FAAP20: variants seen among roughly 807,000 people sequenced by gnomAD.
FAAP20 encodes the protein Fanconi anemia core complex-associated protein 20.
A neutral mutation model predicts 16.2 loss-of-function variants in FAAP20; 12 were observed. That is an observed-to-expected ratio of 0.74 (90% CI 0.48 to 1.20). The LOEUF (loss-of-function observed/expected upper bound fraction) is 1.20, where lower values mean the gene tolerates loss of function less well. Among genes scored for constraint, FAAP20 ranks in the 50% most tolerant of loss-of-function variants. The pLI is 0.00. For missense variants in FAAP20, 288 were observed against 245.8 expected (o/e 1.17, Z -1.15); for synonymous variants, 141 against 110.7 (o/e 1.27, Z -1.72).
chr1:2,211,099 G>A (rs374309291), downstream of FAAP20, among the ~76,000 whole-genome samples: 35 of 152,256 alleles, frequency 2.3e-4, no homozygotes, highest in East Asian at 2.7e-3. Context: ...GCACCACGGC[G>A]GGTGCCTAGC....
At position 2,194,430 on chromosome 1, in the gene FAAP20, T is replaced by C. The variant is rs1279477810; in HGVS notation, c.62+258A>G. Among the ~76,000 whole-genome samples the C allele has an allele frequency of 1.5e-4, 9 of 58,978 alleles. No individual in the cohort carries two copies. In the Admixed American group the frequency reaches 1.8e-3, roughly 12 times the overall value. 38.7% of individuals were successfully genotyped at this position (58,978 alleles called of 152,430 possible). On this transcript the variant is annotated intron_variant, in intron 1 of 3. Coordinates refer to ENST00000378546, the MANE Select transcript of FAAP20 (RefSeq NM_182533.4). ...GGCCTGGGGAAGGTAGAGGGTTAGA[T>C]GGGGGGTGCTCAGGGGAGACGCGAT... is the stretch of plus-strand genomic sequence containing the variant.
chr1:2,200,093 G>C (rs1688988240), upstream of FAAP20: 2 of 147,964 alleles, frequency 1.4e-5, no homozygotes, highest in Non-Finnish European at 3.0e-5. Context: ...AAAAAAGAGA[G>C]AGAGAAAGAA....
downstream of FAAP20, among the ~76,000 whole-genome samples, chr1:2,211,430 TA>T (rs1689441557): frequency 3.6e-3 from 85 of 23,348 alleles, 1 homozygote; most frequent in Non-Finnish European, 4.8e-3. Context: ...TATATATATA[TA>T]TATATTTTTT....
downstream of FAAP20, among the ~76,000 whole-genome samples, chr1:2,186,502 C>T (rs543148783): frequency 3.3e-5 from 5 of 149,724 alleles, 1 homozygote; most frequent in African/African-American, 1.2e-4. Context: ...ACCCGCCCCC[C>T]CCCGGCCAGC....
intron 1 of FAAP20, 24 bp downstream of exon 1, chr1:2,194,663 GC>G (rs1398787569): frequency 5.4e-6 from 6 of 1,106,058 alleles, no homozygotes; most frequent in Non-Finnish European, 6.6e-6. Flanking sequence ...AACCGGCCGC[GC>G]CCCCGCCCGG....
downstream of FAAP20, among the ~76,000 whole-genome samples, chr1:2,210,590 C>T (rs1021424173): frequency 3.3e-5 from 5 of 152,184 alleles, no homozygotes; most frequent in South Asian, 2.1e-4. Flanking sequence ...GGTGGCTCCT[C>T]GGGGCTCCTC....
At chr1:2,189,844 G>T in intron 3 of FAAP20, 63 bp from the exon 4 acceptor site, 1 of 1,295,360 alleles carries the variant, frequency 7.7e-7, no homozygotes, top group Non-Finnish European at 1.1e-6. Flanking sequence ...AGAGAGCACC[G>T]TCTGGACCTC....
In FAAP20 at chr1:2,193,872, A is replaced by G. The variant is rs755147103; in HGVS notation, c.237T>C (p.Thr79=). 6.8e-6 allele frequency: 11 copies of G among 1,612,504 alleles called. No individual in the cohort carries two copies. The highest frequency in any genetic ancestry group is 7.6e-6 in the Non-Finnish European group (9 of 1,179,834). ...TCCAGGAAAAGGTCTTGGGTCCGAC[A>G]GTGAAGACTTCAGTGGGCTCCGGGC... The part of the protein sequence containing the change: ...RCGPEPTEVF[T]VGPKTFSWTP... The change falls in exon 3 of 4, where the codon ACT becomes ACC. Residue 79 remains threonine, a synonymous_variant. Transcript: ENST00000378546.
chr1:2,190,452 G>A (rs973457568), intron 3 of FAAP20: 2 of 444,464 alleles, frequency 4.5e-6, no homozygotes, highest in Admixed American at 2.4e-5. Flanking sequence ...AGTGGGGCCG[G>A]GAGGGGTGTC....
At chr1:2,195,151 G>T (rs1218233167), upstream of FAAP20, among the ~76,000 whole-genome samples, 1 of 152,244 alleles carries the variant, frequency 6.6e-6, no homozygotes, top group Non-Finnish European at 1.5e-5. Flanking sequence ...CATTCCAGGA[G>T]TAAATAAAGC....
downstream of FAAP20, chr1:2,187,349 G>A (rs1687719109): frequency 3.0e-6 from 1 of 330,746 alleles, no homozygotes; most frequent in African/African-American, 2.3e-5. Context: ...CTGTAGCCCA[G>A]GCTGGAGTGC....
downstream of FAAP20, among the ~76,000 whole-genome samples, chr1:2,188,992 G>A (rs562548757): frequency 1.8e-4 from 25 of 136,048 alleles, 1 homozygote; most frequent in Admixed American, 1.6e-3. Context: ...GCGACAGAGC[G>A]AGACTCCGTC....
chr1:2,203,791 G>A, upstream of FAAP20: 1 of 300,120 alleles, frequency 3.3e-6, no homozygotes, highest in Non-Finnish European at 4.9e-6. Context: ...CCCACACCCA[G>A]CCCTGTGACA....
downstream of FAAP20, chr1:2,186,092 T>C: frequency 2.2e-6 from 1 of 454,156 alleles, no homozygotes; most frequent in Non-Finnish European, 4.4e-6. Flanking sequence ...CAGAGCCGTC[T>C]TCTGAGCTCC....
chr1:2,191,463 A>C (rs1013469385), intron 3 of FAAP20: 4 of 152,396 alleles, frequency 2.6e-5, no homozygotes, highest in African/African-American at 9.7e-5. Context: ...AATCCCAACG[A>C]CCGGCCGGGC....
downstream of FAAP20, chr1:2,185,453 C>T (rs942224416): frequency 5.6e-6 from 4 of 718,662 alleles, no homozygotes; most frequent in Non-Finnish European, 1.0e-5. Context: ...AGACGCAACC[C>T]ACACGTAGGG....
upstream of FAAP20, among the ~76,000 whole-genome samples, chr1:2,195,498 A>C (rs540579465): frequency 6.6e-6 from 1 of 152,314 alleles, no homozygotes; most frequent in African/African-American, 2.4e-5. Context: ...GGGTCTACAG[A>C]GATCAGGGTC....
At chr1:2,185,997 C>T (rs1260973282), downstream of FAAP20, 1 of 400,808 alleles carries the variant, frequency 2.5e-6, no homozygotes, top group Non-Finnish European at 5.1e-6. Context: ...GCTCTCCGTC[C>T]ACCCACCCCT....
chr1:2,191,838 G>C, intron 3 of FAAP20: 1 of 985,320 alleles, frequency 1.0e-6, no homozygotes, highest in South Asian at 4.7e-5. Context: ...CCCTCACCAG[G>C]TGCCCAGCTT....
Sources: gnomAD v4.1 joint callset for allele counts (sites outside exome capture counted in the v4.1 genomes callset) on GRCh38, gnomAD v4.1.1 for gene constraint, MANE v1.5 for transcripts, NCBI Gene and HGNC (gene_info 2026-07-23, HGNC 2026-07-21) for gene names.